STEAP1B: variants seen among roughly 807,000 people sequenced by gnomAD.
STEAP1B encodes STEAP family protein MGC87042.
In STEAP1B, 13 loss-of-function variants were observed where a neutral mutation model predicts 27.9. The ratio of observed to expected loss-of-function variants is 0.47; its 90% CI spans 0.30 to 0.74. The LOEUF is 0.74. Among genes scored for constraint, STEAP1B ranks in the 30% least tolerant of loss-of-function variants. The pLI, the probability that STEAP1B is intolerant of heterozygous loss-of-function variation, is 0.06. For synonymous variants in STEAP1B, 86 were observed against 107.1 expected, an observed-to-expected ratio of 0.80 and a Z score of 1.22; for missense variants, 250 against 298.7, an observed-to-expected ratio of 0.84 and a Z score of 1.20.
At chr7:22,485,909 G>A (rs970387849) in intron 4 of STEAP1B, among the ~76,000 whole-genome samples, 1 of 152,186 alleles carries the variant, frequency 6.6e-6, no homozygotes, top group African/African-American at 2.4e-5. Flanking sequence ...GGATGCTGAT[G>A]CTGCTGGTTT....
chr7:22,485,057 G>A (rs532618020), intron 4 of STEAP1B, among the ~76,000 whole-genome samples: 2 of 152,246 alleles, frequency 1.3e-5, no homozygotes, highest in Non-Finnish European at 2.9e-5. Flanking sequence ...TCCTGGAGAA[G>A]ACGCTGTGAA....
chr7:22,440,869 A>T (rs7793960), intron 4 of STEAP1B, among the ~76,000 whole-genome samples: 2,693 of 151,812 alleles, frequency 0.018, 42 homozygotes, highest in Non-Finnish European at 0.025. Flanking sequence ...CTATATACTA[A>T]TAATTATTCC....
In STEAP1B at chr7:22,490,574, G is replaced by A. The variant is rs141898131; in HGVS notation, c.762+1991C>T. Among the ~76,000 whole-genome samples the A allele has an allele frequency of 4.6e-4, 70 of 152,118 alleles. No homozygotes were observed. In the East Asian group the frequency reaches 0.013, roughly 28 times the overall value. On this transcript the variant is annotated intron_variant, in intron 4 of 4. Transcript: ENST00000678116. Reference sequence around the variant, plus strand: ...AACATGCATACTATTTTGTATTACCGTCCTTTCTAGGGTAACTTCTGGATG... The same window carrying A: ...AACATGCATACTATTTTGTATTACCATCCTTTCTAGGGTAACTTCTGGATG...
intron 1 of STEAP1B, among the ~76,000 whole-genome samples, chr7:22,496,584 C>T (rs1287629893): frequency 6.6e-6 from 1 of 152,034 alleles, no homozygotes; most frequent in Non-Finnish European, 1.5e-5. Context: ...TTTACTATAC[C>T]TTTTCTATGT....
At chr7:22,490,805 GT>G (rs1179084167) in intron 4 of STEAP1B, among the ~76,000 whole-genome samples, 1 of 152,146 alleles carries the variant, frequency 6.6e-6, no homozygotes, top group Non-Finnish European at 1.5e-5. Context: ...GATACTAGGA[GT>G]ACACATTTCT....
chr7:22,431,175 T>C (rs1010630549), intron 4 of STEAP1B, among the ~76,000 whole-genome samples: 1 of 152,168 alleles, frequency 6.6e-6, no homozygotes, highest in Non-Finnish European at 1.5e-5. Context: ...ACTACAGTGA[T>C]AGAGGAAGCT....
rs146546019 is a variant in STEAP1B at position 22,436,370 on chromosome 7, T to TTG, written c.763-16536_763-16535dup. ...AAAGATTTCTCCCATCATCATTTATTTGTGTGTGTGTGTCATGAGAACACT... is the reference window on the plus strand; with the variant it reads ...AAAGATTTCTCCCATCATCATTTATTTGTGTGTGTGTGTGTCATGAGAACACT... On this transcript the variant is annotated intron_variant, in intron 4 of 4. Coordinates refer to ENST00000678116, the MANE Select transcript of STEAP1B (RefSeq NM_001382447.1). Among the ~76,000 whole-genome samples, 92 of 152,128 alleles carry TTG rather than the reference T, an allele frequency of 6.0e-4. 1 individual carries two copies. The East Asian group carries it at 0.015, about 25-fold the overall frequency.
chr7:22,475,968 G>A (rs28678112), intron 4 of STEAP1B, among the ~76,000 whole-genome samples: 12,743 of 152,136 alleles, frequency 0.084, 591 homozygotes, highest in Non-Finnish European at 0.1. Flanking sequence ...GTAAGCCCTC[G>A]GTAAAACCTC....
intron 4 of STEAP1B, among the ~76,000 whole-genome samples, chr7:22,462,263 G>C (rs1785690344): frequency 6.7e-6 from 1 of 150,158 alleles, no homozygotes; most frequent in African/African-American, 2.5e-5. Flanking sequence ...TAAGTTTTAG[G>C]GTACATGTGC....
At position 22,449,648 on chromosome 7, in the gene STEAP1B, T is replaced by C. The variant is rs572857027; in HGVS notation, c.763-29812A>G. On this transcript the variant is annotated intron_variant, in intron 4 of 4. Transcript: ENST00000678116. Reference sequence around the variant, plus strand: ...TTTGATATAGTAATTTCCTTTCTTTTGGGTATATACCCAGCAGTGGGATTG... The same window carrying C: ...TTTGATATAGTAATTTCCTTTCTTTCGGGTATATACCCAGCAGTGGGATTG... Among the ~76,000 whole-genome samples, 3 of 152,364 alleles carry C rather than the reference T, an allele frequency of 2.0e-5. No individual in the cohort carries two copies. In the South Asian group the frequency reaches 6.2e-4, roughly 32 times the overall value.
intron 4 of STEAP1B, among the ~76,000 whole-genome samples, chr7:22,460,351 A>G (rs968953894): frequency 2.0e-5 from 3 of 149,648 alleles, no homozygotes; most frequent in Non-Finnish European, 3.0e-5. Context: ...AAAAAAAAAA[A>G]GGAGAGAAGG....
chr7:22,438,845 G>A (rs1212170704), intron 4 of STEAP1B: 9 of 1,339,196 alleles, frequency 6.7e-6, no homozygotes, highest in Middle Eastern at 3.8e-4. Flanking sequence ...TGAGAAAACT[G>A]AATACTCTCC....
intron 4 of STEAP1B, among the ~76,000 whole-genome samples, chr7:22,430,732 T>A (rs896937111): frequency 6.6e-6 from 1 of 152,218 alleles, no homozygotes; most frequent in Non-Finnish European, 1.5e-5. Context: ...TCCTGCTGCT[T>A]AAAGAATGTG....
At chr7:22,488,704 A>G (rs978149802) in intron 4 of STEAP1B, among the ~76,000 whole-genome samples, 1 of 152,188 alleles carries the variant, frequency 6.6e-6, no homozygotes, top group Non-Finnish European at 1.5e-5. Flanking sequence ...CAGCCCCTTG[A>G]GAGGAAACCA....
intron 4 of STEAP1B, chr7:22,492,319 C>CAAAAGAAAAA (rs1786338916): frequency 1.8e-5 from 1 of 54,400 alleles, no homozygotes; most frequent in Non-Finnish European, 2.8e-5. Flanking sequence ...ACTTCATCTC[C>CAAAAGAAAAA]AAAAAAAAAA....
chr7:22,458,240 C>T (rs557978111), intron 4 of STEAP1B, among the ~76,000 whole-genome samples: 5 of 152,184 alleles, frequency 3.3e-5, no homozygotes, highest in South Asian at 4.1e-4. Flanking sequence ...GAGGTGAATA[C>T]GAGGAAGAAC....
intron 1 of STEAP1B, chr7:22,495,287 G>T (rs1416779299): frequency 6.6e-6 from 1 of 152,616 alleles, no homozygotes; most frequent in African/African-American, 2.4e-5. Flanking sequence ...GAGGCTGGAG[G>T]TAGCTGATAT....
At chr7:22,444,567 C>T (rs938401882) in intron 4 of STEAP1B, among the ~76,000 whole-genome samples, 2 of 152,204 alleles carry the variant, frequency 1.3e-5, no homozygotes, top group Non-Finnish European at 2.9e-5. Context: ...AATGTCCCAT[C>T]GGCTGCCCGG....
At chr7:22,443,666 C>T (rs1785367076) in intron 4 of STEAP1B, among the ~76,000 whole-genome samples, 1 of 152,198 alleles carries the variant, frequency 6.6e-6, no homozygotes, top group Non-Finnish European at 1.5e-5. Context: ...TTCCTCCCAC[C>T]AGGAGTCATC....
Sources: allele counts gnomAD v4.1 joint callset (sites outside exome capture counted in the v4.1 genomes callset), GRCh38; gene constraint gnomAD v4.1.1; transcripts MANE v1.5; gene names NCBI Gene and HGNC (gene_info 2026-07-23, HGNC 2026-07-21).